Variants in SEMA5A observed in about 807,000 individuals in gnomAD.
The protein encoded by SEMA5A is semaphorin 5A, also known as semaphorin-5A.
SEMA5A carries 55 observed loss-of-function variants against 135.5 expected under a neutral mutation model. That is an observed-to-expected ratio of 0.41 (90% confidence interval 0.33 to 0.51). SEMA5A has a LOEUF of 0.51. Among genes scored for constraint, SEMA5A ranks in the 20% least tolerant of loss-of-function variants. SEMA5A has a pLI of 0.37. For synonymous variants in SEMA5A, 580 were observed against 546.5 expected (o/e 1.06, Z -0.85); for missense variants, 1,290 against 1,419.9 (o/e 0.91, Z 1.47).
At chr5:9,288,006 CT>C (rs1750885673) in intron 5 of SEMA5A, among the ~76,000 whole-genome samples, 1 of 151,104 alleles carries the variant, frequency 6.6e-6, no homozygotes, top group Admixed American at 6.8e-5. Context: ...TTCAAAAACA[CT>C]TATGGATTAA....
chr5:9,136,666 A>C (rs752076913), intron 12 of SEMA5A, 45 bp from the exon 13 acceptor site: 4 of 1,507,034 alleles, frequency 2.7e-6, no homozygotes, highest in Admixed American at 1.7e-5. Context: ...CGCTTTACCC[A>C]TGATAAGATA....
At chr5:9,156,025 G>A (rs1205817264) in intron 11 of SEMA5A, among the ~76,000 whole-genome samples, 3 of 152,302 alleles carry the variant, frequency 2.0e-5, no homozygotes, top group Non-Finnish European at 4.4e-5. Context: ...ACTGAAGTAT[G>A]CTATATGCGG....
At chr5:9,325,115 T>C (rs1752811820) in intron 4 of SEMA5A, among the ~76,000 whole-genome samples, 1 of 152,246 alleles carries the variant, frequency 6.6e-6, no homozygotes, top group Non-Finnish European at 1.5e-5. Flanking sequence ...AATGATTCTA[T>C]ACTTCTATTT....
At chr5:9,501,376 T>C (rs1463094179) in intron 1 of SEMA5A, among the ~76,000 whole-genome samples, 1 of 152,220 alleles carries the variant, frequency 6.6e-6, no homozygotes, top group East Asian at 1.9e-4. Context: ...CATATACATA[T>C]GTGTCTACGT....
At chr5:9,140,944 A>AACACAGTG (rs1199756853) in intron 12 of SEMA5A, among the ~76,000 whole-genome samples, 3 of 152,206 alleles carry the variant, frequency 2.0e-5, no homozygotes, top group African/African-American at 7.2e-5. Flanking sequence ...AGAGGGAAGT[A>AACACAGTG]TTTCAAGCTG....
At chr5:9,396,572 G>A (rs2126548417) in intron 2 of SEMA5A, among the ~76,000 whole-genome samples, 1 of 152,172 alleles carries the variant, frequency 6.6e-6, no homozygotes, top group East Asian at 1.9e-4. Context: ...CTCACCCAAT[G>A]TGCTAATGTT....
chr5:9,479,947 A>C (rs1359492945), intron 1 of SEMA5A, among the ~76,000 whole-genome samples: 1 of 152,258 alleles, frequency 6.6e-6, no homozygotes, highest in Non-Finnish European at 1.5e-5. Flanking sequence ...TCTTGAAAGA[A>C]TGAATGAACT....
At chr5:9,050,773 C>T (rs977229543) in intron 20 of SEMA5A, among the ~76,000 whole-genome samples, 3 of 152,210 alleles carry the variant, frequency 2.0e-5, no homozygotes, top group South Asian at 2.1e-4. Flanking sequence ...GGGATCCCCC[C>T]ACTCTGCCCA....
intron 1 of SEMA5A, among the ~76,000 whole-genome samples, chr5:9,507,743 G>T (rs1484908020): frequency 6.6e-6 from 1 of 152,110 alleles, no homozygotes; most frequent in African/African-American, 2.4e-5. Flanking sequence ...GGTGTCTCTC[G>T]CCTGTAATCC....
At chr5:9,242,413 G>A (rs946277815) in intron 5 of SEMA5A, among the ~76,000 whole-genome samples, 2 of 152,156 alleles carry the variant, frequency 1.3e-5, no homozygotes, top group Non-Finnish European at 2.9e-5. Context: ...ACTTCCTAGT[G>A]GATATTCAAT....
intron 1 of SEMA5A, among the ~76,000 whole-genome samples, chr5:9,505,155 T>C (rs930744995): frequency 7.9e-5 from 12 of 151,972 alleles, no homozygotes; most frequent in Non-Finnish European, 1.6e-4. Flanking sequence ...AAAAAAAATC[T>C]AGAAATATTT....
intron 5 of SEMA5A, among the ~76,000 whole-genome samples, chr5:9,275,502 T>C (rs2150551355): frequency 6.6e-6 from 1 of 152,100 alleles, no homozygotes; most frequent in South Asian, 2.1e-4. Context: ...ATCATCCTAA[T>C]ACCAAAACCT....
intron 13 of SEMA5A, among the ~76,000 whole-genome samples, chr5:9,131,021 T>G (rs1741380693): frequency 1.3e-5 from 2 of 152,192 alleles, no homozygotes; most frequent in African/African-American, 4.8e-5. Context: ...CATAATGGCA[T>G]TGAGGAGAAT....
chr5:9,242,188 G>A (rs1748238154), intron 5 of SEMA5A, among the ~76,000 whole-genome samples: 1 of 152,168 alleles, frequency 6.6e-6, no homozygotes, highest in South Asian at 2.1e-4. Context: ...CAAATGAGTT[G>A]GAACTAGAAA....
At chr5:9,488,640 C>T (rs968412090) in intron 1 of SEMA5A, among the ~76,000 whole-genome samples, 1 of 152,186 alleles carries the variant, frequency 6.6e-6, no homozygotes, top group Non-Finnish European at 1.5e-5. Flanking sequence ...TCAATTCCTA[C>T]ACTGATGCGG....
Position 9,062,946 on chromosome 5 carries a change from C to G in SEMA5A, c.2459G>C (p.Gly820Ala). 5 of 1,614,226 alleles carry G rather than the reference C, an allele frequency of 3.1e-6. No individual in the cohort carries two copies. Among genetic ancestry groups the G allele is most frequent in the Non-Finnish European group, 4.2e-6 (5 of 1,180,038 alleles). Residue 820 changes from glycine (G) to alanine (A), a missense_variant, in exon 18 of 23, where the codon GGA (glycine) becomes GCA (alanine). This residue lies in a region of SEMA5A where 1,029 missense variants were observed against 1,086.6 expected (regional missense o/e 0.95). Coordinates refer to ENST00000382496, the MANE Select transcript of SEMA5A (RefSeq NM_003966.3). ...CAGAGATGGGCCAAGGCAAGGCATTCCCCCATACTTGGGTTCGGGGTTGTT... is the reference window on the plus strand; with the variant it reads ...CAGAGATGGGCCAAGGCAAGGCATTGCCCCATACTTGGGTTCGGGGTTGTT... ...VCNNPEPKYG[G>A]MPCLGPSLEY...
intron 3 of SEMA5A, among the ~76,000 whole-genome samples, chr5:9,358,408 C>T (rs552196906): frequency 6.6e-6 from 1 of 152,264 alleles, no homozygotes; most frequent in South Asian, 2.1e-4. Flanking sequence ...GTTCTGACTC[C>T]AGCTGGGATG....
At chr5:9,396,729 G>A (rs1424694380) in intron 2 of SEMA5A, among the ~76,000 whole-genome samples, 3 of 152,164 alleles carry the variant, frequency 2.0e-5, no homozygotes, top group Non-Finnish European at 4.4e-5. Context: ...GAGAACCCCA[G>A]TCAAGCCTCT....
rs941756210 is a variant in SEMA5A, at chr5:9,545,918, C to G, written c.-509G>C. On this transcript the variant is annotated 5_prime_UTR_variant, in exon 1 of 23. Coordinates refer to ENST00000382496, the MANE Select transcript of SEMA5A (RefSeq NM_003966.3). This position sits in a 1 kb window ranked among gnomAD's most constrained non-coding sequence, Gnocchi z 4.5. Reference sequence around the variant, plus strand: ...GCGTCCCGGGATGAGCGACACTGGCCGGGCCGCCCCTGCACGGGGAAGGTG... The same window carrying G: ...GCGTCCCGGGATGAGCGACACTGGCGGGGCCGCCCCTGCACGGGGAAGGTG... 6.6e-6 allele frequency: 1 copy of G among 152,390 alleles called. No individual in the cohort carries two copies. Among genetic ancestry groups the G allele is most frequent in the Non-Finnish European group, 1.5e-5 (1 of 68,234 alleles). The allele number at this position is 152,390 out of a possible 1,614,324, so 9.4% of individuals were successfully genotyped here.
Sources: gnomAD v4.1 joint callset for allele counts (sites outside exome capture counted in the v4.1 genomes callset) on GRCh38, gnomAD v4.1.1 for gene constraint, gnomAD v4.1.1 regional missense constraint, Gnocchi (gnomAD v3.1) non-coding constraint, MANE v1.5 for transcripts, NCBI Gene and HGNC (gene_info 2026-07-23, HGNC 2026-07-21) for gene names.